The following ZNF638 variants were observed in gnomAD, a reference collection of about 807,000 sequenced individuals.
ZNF638 encodes the protein zinc finger protein 638, also known as CTCL tumor antigen se33-1.
ZNF638 carries 46 observed loss-of-function variants against 195.6 expected under a neutral mutation model. That is an observed-to-expected ratio of 0.24 (90% CI 0.19 to 0.30). The LOEUF is 0.30. ZNF638 is among the 10% of genes least tolerant of loss of function. ZNF638 has a pLI of 1.00. For missense variants in ZNF638, 2,440 were observed against 2,325.3 expected (o/e 1.05, Z -1.01); for synonymous variants, 845 against 772.0 (o/e 1.09, Z -1.57).
At chr2:71,400,829 A>C (rs759866045) in intron 15 of ZNF638, among the ~76,000 whole-genome samples, 2 of 152,184 alleles carry the variant, frequency 1.3e-5, no homozygotes, top group African/African-American at 2.4e-5. Context: ...AATTAGAATC[A>C]GTAGAATTTT....
intron 10 of ZNF638, among the ~76,000 whole-genome samples, chr2:71,386,046 A>G (rs1270283680): frequency 6.6e-6 from 1 of 152,220 alleles, no homozygotes; most frequent in East Asian, 1.9e-4. Context: ...GATCCTTTCC[A>G]TAAATACTGA....
chr2:71,333,993 G>T (rs936518069), intron 1 of ZNF638, among the ~76,000 whole-genome samples: 1 of 152,188 alleles, frequency 6.6e-6, no homozygotes, highest in Non-Finnish European at 1.5e-5. Context: ...TAGAGTAATA[G>T]AATTTTGGAG....
At position 71,396,130 on chromosome 2, in the gene ZNF638, T is replaced by C. The variant is rs2079888873; in HGVS notation, c.2378-11T>C. 6.2e-7 allele frequency: 1 copy of C among 1,611,866 alleles called. No homozygotes were observed. Among genetic ancestry groups the C allele is most frequent in the African/African-American group, 1.3e-5 (1 of 74,780 alleles). ...TAATGTAGTACTTAAATGTTTTTCT[T>C]GTTGTTTTAGCCAAAACTGGACAAG... On this transcript the variant is annotated splice_polypyrimidine_tract_variant and intron_variant, in intron 10 of 27. Coordinates refer to ENST00000264447, the MANE Select transcript of ZNF638 (RefSeq NM_014497.5).
At position 71,380,558 on chromosome 2, in the gene ZNF638, T is replaced by A. The variant is rs761494644; in HGVS notation, c.2370T>A (p.Thr790=). ...AAGCTGTTGAAATTGTTACTTCAAC[T>A]TCTGCTGGTAAGTTGTTACTTTTAA... ...ASKAVEIVTS[T]SAAKTGQAKA... The change falls in exon 10 of 28, where the codon ACT becomes ACA. Residue 790 remains threonine (T), a synonymous_variant. Coordinates refer to ENST00000264447, the MANE Select transcript of ZNF638 (RefSeq NM_014497.5). 4 of 1,604,292 alleles carry A rather than the reference T, an allele frequency of 2.5e-6. No individual in the cohort carries two copies. In the East Asian group the frequency reaches 6.8e-5, roughly 27 times the overall value.
chr2:71,393,338 C>T, intron 10 of ZNF638: 1 of 706,280 alleles, frequency 1.4e-6, no homozygotes, highest in East Asian at 2.7e-5. Context: ...ATGGTGTAGT[C>T]CAAATGAATT....
intron 6 of ZNF638, among the ~76,000 whole-genome samples, chr2:71,366,207 G>A (rs2079196641): frequency 6.6e-6 from 1 of 151,958 alleles, no homozygotes; most frequent in Non-Finnish European, 1.5e-5. Context: ...AAAATGAGCT[G>A]GGGGTAGCGG....
At chr2:71,408,931 A>G (rs1331847142) in intron 20 of ZNF638, among the ~76,000 whole-genome samples, 1 of 152,134 alleles carries the variant, frequency 6.6e-6, no homozygotes, top group Non-Finnish European at 1.5e-5. Context: ...TTAAGCACAA[A>G]TGAGTGGCTC....
In ZNF638 at chr2:71,425,933, G is replaced by C. The variant is rs186638930; in HGVS notation, c.4591-527G>C. 3.0e-3 allele frequency among the ~76,000 whole-genome samples: 450 copies of C among 152,198 alleles called. 2 individuals are homozygous for C. The highest frequency in any genetic ancestry group is 0.015 in the South Asian group (72 of 4,812). ...GCCTCCCAAAGTGCTGGGATTACAG[G>C]CATGAGCCACCACGCCCGGCCTGTA... On this transcript the variant is annotated intron_variant, in intron 23 of 27. Transcript: ENST00000264447.
intron 10 of ZNF638, among the ~76,000 whole-genome samples, chr2:71,389,161 C>T (rs547157181): frequency 6.6e-5 from 10 of 152,140 alleles, no homozygotes; most frequent in African/African-American, 2.4e-4. Flanking sequence ...GGTAAAGATA[C>T]CAAAGAGGAA....
chr2:71,345,425 G>A (rs2078834211), intron 1 of ZNF638, among the ~76,000 whole-genome samples: 1 of 152,160 alleles, frequency 6.6e-6, no homozygotes, highest in African/African-American at 2.4e-5. Context: ...GACAGTGTCT[G>A]CTTTGCCACC....
intron 1 of ZNF638, among the ~76,000 whole-genome samples, chr2:71,345,597 G>A (rs2078837674): frequency 6.6e-6 from 1 of 152,080 alleles, no homozygotes; most frequent in Non-Finnish European, 1.5e-5. Context: ...GCCCAGGCTG[G>A]CCTCGAACTC....
At chr2:71,337,796 C>G (rs2078697236) in intron 1 of ZNF638, among the ~76,000 whole-genome samples, 1 of 126,374 alleles carries the variant, frequency 7.9e-6, no homozygotes, top group Admixed American at 7.5e-5. Flanking sequence ...CCCTCCAGTA[C>G]AGGACTAAAC....
intron 20 of ZNF638, among the ~76,000 whole-genome samples, chr2:71,417,011 C>A (rs1376706895): frequency 1.4e-5 from 2 of 145,798 alleles, no homozygotes; most frequent in Non-Finnish European, 3.0e-5. Context: ...CCACCCAGTT[C>A]GAGCTTCCCG....
chr2:71,406,114 T>A lies in ZNF638; in HGVS notation c.3001-14T>A. 1.9e-6 allele frequency: 3 copies of A among 1,612,930 alleles called. No individual in the cohort carries two copies. Among genetic ancestry groups the A allele is most frequent in the Non-Finnish European group, 2.5e-6 (3 of 1,179,268 alleles). On this transcript the variant is annotated splice_polypyrimidine_tract_variant and intron_variant, in intron 18 of 27. Transcript: ENST00000264447. The stretch of plus-strand genomic sequence containing the variant: ...GCTGTGGTTTTTTCTGTGCTGTCTC[T>A]TAAAAAACTACAGGCAAACATAGAT...
chr2:71,374,258 C>T (rs1455982755), intron 8 of ZNF638, among the ~76,000 whole-genome samples: 2 of 152,188 alleles, frequency 1.3e-5, no homozygotes, highest in African/African-American at 4.8e-5. Context: ...GCCAGTTAGC[C>T]TCAACACTAT....
At chr2:71,356,793 A>G (rs565266086) in intron 3 of ZNF638, among the ~76,000 whole-genome samples, 1 of 151,408 alleles carries the variant, frequency 6.6e-6, no homozygotes, top group Non-Finnish European at 1.5e-5. Flanking sequence ...AAAAAAAAAA[A>G]ATTTTTTTTT....
At chr2:71,393,846 T>C (rs1195718612) in intron 10 of ZNF638, among the ~76,000 whole-genome samples, 1 of 152,152 alleles carries the variant, frequency 6.6e-6, no homozygotes, top group Non-Finnish European at 1.5e-5. Context: ...CCGTTATTAA[T>C]GGCACACATT....
At chr2:71,388,051 A>G (rs1166881737) in intron 10 of ZNF638, among the ~76,000 whole-genome samples, 1 of 152,164 alleles carries the variant, frequency 6.6e-6, no homozygotes, top group Non-Finnish European at 1.5e-5. Flanking sequence ...ACCAGTTTCC[A>G]TTTCACATTG....
intron 13 of ZNF638, 51 bp from the exon 14 acceptor site, chr2:71,400,061 T>C: frequency 7.0e-7 from 1 of 1,427,384 alleles, no homozygotes; most frequent in South Asian, 1.4e-5. Context: ...ATTCATTAGT[T>C]TAATTATATT....
Sources: allele counts gnomAD v4.1 joint callset (sites outside exome capture counted in the v4.1 genomes callset), GRCh38; gene constraint gnomAD v4.1.1; transcripts MANE v1.5; gene names NCBI Gene and HGNC (gene_info 2026-07-23, HGNC 2026-07-21).